The following USP47 variants were observed in gnomAD, a reference collection of about 807,000 sequenced individuals.
USP47 encodes the protein ubiquitin carboxyl-terminal hydrolase 47.
A neutral mutation model predicts 165.1 loss-of-function variants in USP47; 35 were observed. That is an observed-to-expected ratio of 0.21 (90% confidence interval 0.16 to 0.28). The LOEUF (loss-of-function observed/expected upper bound fraction) is 0.28. Among genes scored for constraint, USP47 ranks in the 10% least tolerant of loss-of-function variants. The pLI is 1.00. For missense variants in USP47, 1,277 were observed against 1,607.4 expected (o/e 0.79, Z 3.52); for synonymous variants, 531 against 544.5 (o/e 0.98, Z 0.35).
chr11:11,861,452 GTTT>G (rs1849381440), intron 1 of USP47, among the ~76,000 whole-genome samples: 2 of 152,090 alleles, frequency 1.3e-5, no homozygotes, highest in Admixed American at 6.6e-5. Context: ...TGGTTGGTTG[GTTT>G]TTAATTGTCA....
chr11:11,909,308 G>C, intron 8 of USP47, among the ~76,000 whole-genome samples: 1 of 152,030 alleles, frequency 6.6e-6, no homozygotes, highest in African/African-American at 2.4e-5. Context: ...TGACTTATTA[G>C]ATAGTTAGAA....
chr11:11,876,438 T>G (rs1329583700), intron 1 of USP47, among the ~76,000 whole-genome samples: 1 of 152,188 alleles, frequency 6.6e-6, no homozygotes, highest in African/African-American at 2.4e-5. Context: ...TTAGCTATAT[T>G]TATTTTTTAT....
At chr11:11,847,538 G>T (rs1848495917) in intron 1 of USP47, among the ~76,000 whole-genome samples, 1 of 151,934 alleles carries the variant, frequency 6.6e-6, no homozygotes, top group East Asian at 1.9e-4. Context: ...CCAATTCTTG[G>T]TGTTCTCCTG....
chr11:11,948,375 G>C, intron 21 of USP47, 103 bp from the exon 22 acceptor site: 1 of 1,003,878 alleles, frequency 1.0e-6, no homozygotes, highest in Non-Finnish European at 1.5e-6. Flanking sequence ...TGTTCTCAGA[G>C]AGCCTATAAT....
At chr11:11,915,790 C>T (rs558387975) in intron 8 of USP47, among the ~76,000 whole-genome samples, 25 of 152,036 alleles carry the variant, frequency 1.6e-4, no homozygotes, top group Admixed American at 1.6e-3. Flanking sequence ...TTAAGGAAAA[C>T]ATCATGTTCC....
intron 2 of USP47, among the ~76,000 whole-genome samples, chr11:11,881,999 C>T (rs1272011404): frequency 6.6e-6 from 1 of 152,178 alleles, no homozygotes; most frequent in Non-Finnish European, 1.5e-5. Context: ...TGGATCTCAT[C>T]TGCGTTATTA....
intron 2 of USP47, among the ~76,000 whole-genome samples, chr11:11,883,246 G>A (rs1218859756): frequency 6.6e-6 from 1 of 152,174 alleles, no homozygotes; most frequent in Non-Finnish European, 1.5e-5. Flanking sequence ...ATAGATGTGA[G>A]CCAAAGTTAA....
intron 8 of USP47, among the ~76,000 whole-genome samples, chr11:11,913,295 C>A (rs1853153467): frequency 7.0e-6 from 1 of 142,734 alleles, no homozygotes; most frequent in Non-Finnish European, 1.5e-5. Flanking sequence ...TGAACTAATA[C>A]GTGAGTTTAG....
At chr11:11,863,402 G>A (rs560822111) in intron 1 of USP47, among the ~76,000 whole-genome samples, 4 of 152,164 alleles carry the variant, frequency 2.6e-5, no homozygotes, top group African/African-American at 9.6e-5. Flanking sequence ...TTCCTAAATC[G>A]AAATACACTG....
chr11:11,911,288 G>A (rs1045750727), intron 8 of USP47, among the ~76,000 whole-genome samples: 12 of 152,310 alleles, frequency 7.9e-5, no homozygotes, highest in African/African-American at 2.9e-4. Flanking sequence ...GAGCAAAGGT[G>A]TAACACTTGT....
chr11:11,945,752 TAGTA>T (rs562809045), intron 20 of USP47, among the ~76,000 whole-genome samples: 63 of 151,874 alleles, frequency 4.1e-4, no homozygotes, highest in African/African-American at 1.4e-3. Flanking sequence ...CTGAGCAACA[TAGTA>T]AGACCCCATC....
chr11:11,843,366 CAG>C (rs1280919148), intron 1 of USP47, among the ~76,000 whole-genome samples: 10 of 152,152 alleles, frequency 6.6e-5, no homozygotes, highest in African/African-American at 9.7e-5. Context: ...TTGTAAAAGG[CAG>C]AGAGTTATGT....
rs1476883115 is a variant in USP47 at position 11,902,939 on chromosome 11, A to G, written c.739+79A>G. On this transcript the variant is annotated intron_variant, in intron 6 of 27. Transcript: ENST00000527733. ...GACAATAATATTACAAACACATTAC[A>G]CATAATTACCTTTATCTTAAACCTT... 3 of 1,384,392 alleles carry G rather than the reference A, an allele frequency of 2.2e-6. No individual in the cohort carries two copies. In the East Asian group the frequency reaches 7.3e-5, roughly 34 times the overall value. 85.8% of individuals were successfully genotyped at this position (1,384,392 alleles called of 1,614,324 possible). A position where few individuals can be genotyped will look rare whatever the true frequency, so the allele number is the denominator to read the frequency against.
At chr11:11,849,915 A>G (rs976161709) in intron 1 of USP47, among the ~76,000 whole-genome samples, 3 of 152,110 alleles carry the variant, frequency 2.0e-5, no homozygotes, top group African/African-American at 4.8e-5. Context: ...AGTCAGAAAT[A>G]ATTTTTTCTC....
In USP47 at chr11:11,961,356, G is replaced by A. The variant is rs548584090; in HGVS notation, c.*5181G>A. ...ATTATTCTGGATTATCTAGGTGGGCGCAATTTGATCACATGGGTCCCCAGA... is the reference window on the plus strand; with the variant it reads ...ATTATTCTGGATTATCTAGGTGGGCACAATTTGATCACATGGGTCCCCAGA... On this transcript the variant is annotated 3_prime_UTR_variant, in exon 28 of 28. Coordinates refer to ENST00000527733, the MANE Select transcript of USP47 (RefSeq NM_001282659.2). 1.8e-4 allele frequency among the ~76,000 whole-genome samples: 27 copies of A among 152,318 alleles called. No homozygotes were observed. Among genetic ancestry groups the A allele is most frequent in the African/African-American group, 6.5e-4 (27 of 41,560 alleles).
In USP47 at chr11:11,960,813, T is replaced by C. The variant is rs187941819; in HGVS notation, c.*4638T>C. On this transcript the variant is annotated 3_prime_UTR_variant, in exon 28 of 28. Coordinates refer to ENST00000527733, the MANE Select transcript of USP47 (RefSeq NM_001282659.2). ...TCTCCAAATAGTTGAATTGCATTTC[T>C]TGAGTATCTGGAGAGGATGTGCAGA... Among the ~76,000 whole-genome samples, 1 of 152,326 alleles carries C rather than the reference T, an allele frequency of 6.6e-6. No individual in the cohort carries two copies. Among genetic ancestry groups the C allele is most frequent in the East Asian group, 1.9e-4 (1 of 5,184 alleles).
At chr11:11,888,173 C>G (rs1290642507) in intron 3 of USP47, among the ~76,000 whole-genome samples, 2 of 151,992 alleles carry the variant, frequency 1.3e-5, no homozygotes, top group Admixed American at 6.6e-5. Context: ...CAAGAGCAAA[C>G]AAACCCCAAA....
intron 1 of USP47, among the ~76,000 whole-genome samples, chr11:11,876,309 C>A (rs1850414556): frequency 6.6e-6 from 1 of 152,148 alleles, no homozygotes; most frequent in Non-Finnish European, 1.5e-5. Flanking sequence ...GATGTATCCT[C>A]AGATGCCTTT....
At chr11:11,894,553 A>C (rs12223565) in intron 4 of USP47, among the ~76,000 whole-genome samples, 52,645 of 152,082 alleles carry the variant, frequency 0.35, 9,583 homozygotes, top group East Asian at 0.53. Flanking sequence ...TTTGTTTCTT[A>C]TTATTCTGAG....
Sources: gnomAD v4.1 joint callset for allele counts (sites outside exome capture counted in the v4.1 genomes callset) on GRCh38, gnomAD v4.1.1 for gene constraint, MANE v1.5 for transcripts, NCBI Gene and HGNC (gene_info 2026-07-23, HGNC 2026-07-21) for gene names.